ANO1: variants seen among roughly 807,000 people sequenced by gnomAD.
ANO1 encodes anoctamin 1, also known as anoctamin-1.
A neutral mutation model predicts 124.0 loss-of-function variants in ANO1; 59 were observed. The ratio of observed to expected loss-of-function variants is 0.48; its 90% confidence interval spans 0.39 to 0.59. ANO1 has a LOEUF of 0.59. ANO1 is among the 20% of genes least tolerant of loss of function. The pLI, the probability that ANO1 is intolerant of heterozygous loss-of-function variation, is 0.00. For synonymous variants in ANO1, 529 were observed against 532.0 expected, an observed-to-expected ratio of 0.99 and a Z score of 0.08; for missense variants, 1,059 against 1,328.0, an observed-to-expected ratio of 0.80 and a Z score of 3.15.
At chr11:70,001,613 G>A (rs1399978548) in intron 1 of ANO1, among the ~76,000 whole-genome samples, 2 of 152,198 alleles carry the variant, frequency 1.3e-5, no homozygotes, top group Non-Finnish European at 2.9e-5. Flanking sequence ...GCACACAAAA[G>A]CAGGCAAATG....
intron 1 of ANO1, among the ~76,000 whole-genome samples, chr11:70,021,371 C>T (rs1424976559): frequency 6.6e-6 from 1 of 152,132 alleles, no homozygotes; most frequent in East Asian, 1.9e-4. Flanking sequence ...TTGCAGGGGG[C>T]TGTCGTGACC....
intron 1 of ANO1, among the ~76,000 whole-genome samples, chr11:70,032,240 C>T (rs1396501501): frequency 6.6e-6 from 1 of 152,170 alleles, no homozygotes; most frequent in Non-Finnish European, 1.5e-5. Context: ...TGATCATCTC[C>T]TCTGTCAGGA....
chr11:70,131,168 G>A (rs2046741651), intron 10 of ANO1, among the ~76,000 whole-genome samples: 1 of 152,218 alleles, frequency 6.6e-6, no homozygotes, highest in Admixed American at 6.5e-5. Context: ...TGCTGCCTCA[G>A]GGTCACCCCA....
At chr11:70,140,157 A>G (rs2047099629) in intron 11 of ANO1, among the ~76,000 whole-genome samples, 1 of 152,212 alleles carries the variant, frequency 6.6e-6, no homozygotes, top group Non-Finnish European at 1.5e-5. Context: ...GCCACACCCC[A>G]GGAGAGGGTT....
At chr11:70,138,571 G>C (rs2047035212) in intron 11 of ANO1, among the ~76,000 whole-genome samples, 1 of 151,850 alleles carries the variant, frequency 6.6e-6, no homozygotes, top group Non-Finnish European at 1.5e-5. Context: ...TTTGTGCCAG[G>C]CACTGTCATG....
At chr11:70,187,566 G>A (rs968072577) in intron 25 of ANO1, among the ~76,000 whole-genome samples, 172 bp from the exon 26 acceptor site, 22 of 152,174 alleles carry the variant, frequency 1.4e-4, no homozygotes, top group African/African-American at 5.3e-4. Flanking sequence ...CCAGAGGCCT[G>A]CCGGGTGGTT....
intron 25 of ANO1, among the ~76,000 whole-genome samples, chr11:70,187,511 C>A (rs1164299417): frequency 6.6e-6 from 1 of 152,172 alleles, no homozygotes; most frequent in Non-Finnish European, 1.5e-5. Flanking sequence ...ATGATTTTCC[C>A]AATTACTGAG....
At chr11:69,980,481 C>A in the ANO1 span, among the ~76,000 whole-genome samples, 1 of 151,528 alleles carries the variant, frequency 6.6e-6, no homozygotes, top group East Asian at 2.0e-4. Flanking sequence ...ATTAGCCGGG[C>A]GTGGTGGTGG....
intron 1 of ANO1, among the ~76,000 whole-genome samples, chr11:70,011,046 T>C (rs1856591177): frequency 6.6e-6 from 1 of 152,126 alleles, no homozygotes; most frequent in South Asian, 2.1e-4. Context: ...CCCAGTGCCA[T>C]GATTTGGTTG....
At chr11:70,173,683 T>G (rs895004912) in intron 22 of ANO1, among the ~76,000 whole-genome samples, 4 of 152,212 alleles carry the variant, frequency 2.6e-5, no homozygotes, top group African/African-American at 9.6e-5. Context: ...AGAGACAATG[T>G]CCTCAAGTCT....
intron 1 of ANO1, among the ~76,000 whole-genome samples, chr11:69,994,755 C>T (rs949793252): frequency 3.9e-5 from 6 of 152,158 alleles, no homozygotes; most frequent in African/African-American, 1.4e-4. Flanking sequence ...CAAAGTCAGC[C>T]AACTGGGTTT....
At chr11:70,034,612 G>T (rs1345749414) in intron 1 of ANO1, among the ~76,000 whole-genome samples, 3 of 152,202 alleles carry the variant, frequency 2.0e-5, no homozygotes, top group African/African-American at 4.8e-5. Context: ...CCGCAAGCTT[G>T]GATGGTCTCT....
intron 8 of ANO1, among the ~76,000 whole-genome samples, chr11:70,117,817 C>G (rs2046048820): frequency 6.6e-6 from 1 of 152,222 alleles, no homozygotes; most frequent in Admixed American, 6.5e-5. Context: ...CAGCCTCCCC[C>G]ACAGGCCCCC....
intron 1 of ANO1, among the ~76,000 whole-genome samples, chr11:70,050,842 T>C (rs1435364479): frequency 7.2e-5 from 11 of 152,124 alleles, no homozygotes; most frequent in African/African-American, 2.7e-4. Context: ...TCCTCATCTG[T>C]CAAATGGGGA....
chr11:70,087,865 G>A lies in ANO1; in HGVS notation c.222G>A (p.Ser74=), dbSNP rs369511523. 1.9e-5 allele frequency: 31 copies of A among 1,612,422 alleles called. No individual in the cohort carries two copies. The highest frequency in any genetic ancestry group is 1.3e-4 in the South Asian group (12 of 90,828). The change falls in exon 2 of 26, where the codon TCG becomes TCA. Residue 74 remains serine, a synonymous_variant. Coordinates refer to ENST00000355303, the MANE Select transcript of ANO1 (RefSeq NM_018043.7). ...YILVYHHKRP[S]GNRTLVRRVQ... Reference sequence around the variant, plus strand: ...TGGTGTACCATCACAAGAGGCCCTCGGGCAACCGGACCCTGGTCAGGAGGG... The same window carrying A: ...TGGTGTACCATCACAAGAGGCCCTCAGGCAACCGGACCCTGGTCAGGAGGG...
intron 10 of ANO1, among the ~76,000 whole-genome samples, chr11:70,131,303 A>ATGTGTGTGTG (rs58686061): frequency 2.0e-4 from 30 of 149,130 alleles, no homozygotes; most frequent in African/African-American, 4.2e-4. Flanking sequence ...TCAAAAATCA[A>ATGTGTGTGTG]TGTGTGTGTG....
chr11:70,037,612 C>T (rs1273578095), intron 1 of ANO1, among the ~76,000 whole-genome samples: 4 of 152,096 alleles, frequency 2.6e-5, no homozygotes, highest in African/African-American at 9.7e-5. Flanking sequence ...TACTGCATGA[C>T]AGCTGAGGGG....
intron 1 of ANO1, among the ~76,000 whole-genome samples, chr11:70,022,044 C>T (rs1326809310): frequency 6.6e-6 from 1 of 152,202 alleles, no homozygotes; most frequent in Non-Finnish European, 1.5e-5. Context: ...GGTTGGGCCC[C>T]TTCCCTCCTT....
intron 14 of ANO1, among the ~76,000 whole-genome samples, chr11:70,155,642 G>T (rs1207401326): frequency 2.6e-5 from 4 of 152,222 alleles, no homozygotes; most frequent in Non-Finnish European, 5.9e-5. Context: ...GTGAGATGGG[G>T]CATGACGCGG....
Sources: allele counts gnomAD v4.1 joint callset (sites outside exome capture counted in the v4.1 genomes callset), GRCh38; gene constraint gnomAD v4.1.1; transcripts MANE v1.5; gene names NCBI Gene and HGNC (gene_info 2026-07-23, HGNC 2026-07-21).